STAB2: variants seen among roughly 807,000 people sequenced by gnomAD.
STAB2 encodes the protein stabilin 2, also known as stabilin-2.
A neutral mutation model predicts 338.1 loss-of-function variants in STAB2; 288 were observed. The observed-to-expected ratio is 0.85, with a 90% CI of 0.77 to 0.94. STAB2 has a LOEUF of 0.94. Ranked by LOEUF, STAB2 falls within the 40% of genes least tolerant of loss-of-function variation. STAB2 has a pLI of 0.00. For synonymous variants in STAB2, 1,202 were observed against 1,193.3 expected (o/e 1.01, Z -0.15); for missense variants, 3,141 against 3,210.1 (o/e 0.98, Z 0.52).
Position 103,688,304 on chromosome 12 carries a change from G to T in STAB2, c.3045+89G>T, listed in dbSNP as rs1593237308. ...CAATAGAAAACCGAAAATGCAGCTG[G>T]TAAGGAGTGTAGGCAATTGTGCTGA... On this transcript the variant is annotated intron_variant, in intron 28 of 68. Transcript: ENST00000388887. 1.3e-5 allele frequency: 17 copies of T among 1,272,604 alleles called. No individual in the cohort carries two copies. In the East Asian group the frequency reaches 3.9e-4, roughly 29 times the overall value. The allele number at this position is 1,272,604 out of a possible 1,614,324, so 78.8% of individuals were successfully genotyped here. A position where few individuals can be genotyped will look rare whatever the true frequency, so the allele number is the denominator to read the frequency against.
chr12:103,594,539 A>G (rs373506919), intron 3 of STAB2, 29 bp downstream of exon 3: 19 of 1,535,054 alleles, frequency 1.2e-5, no homozygotes, highest in African/African-American at 1.2e-4. Flanking sequence ...GGACTTTGAG[A>G]CTTGCTTCTT....
intron 15 of STAB2, among the ~76,000 whole-genome samples, chr12:103,657,248 G>GAAA (rs1874262781): frequency 2.1e-5 from 3 of 142,506 alleles, no homozygotes; most frequent in African/African-American, 8.0e-5. Context: ...AAAAAAAAAG[G>GAAA]TAATGTTGTT....
At position 103,748,897 on chromosome 12, in the gene STAB2, C is replaced by T. The variant is rs1474030726; in HGVS notation, c.6245-66C>T. On this transcript the variant is annotated intron_variant, in intron 58 of 68. Coordinates refer to ENST00000388887, the MANE Select transcript of STAB2 (RefSeq NM_017564.10). ...ACCACTAGTGCTGTGGTGCCCCATA[C>T]CCTGACCTGAAGCCCTAGTTCCACA... is the stretch of plus-strand genomic sequence containing the variant. The T allele has an allele frequency of 1.2e-5, 18 of 1,543,728 alleles. No homozygotes were observed. In the South Asian group the frequency reaches 1.6e-4, roughly 14 times the overall value.
intron 9 of STAB2, among the ~76,000 whole-genome samples, chr12:103,642,873 G>A (rs1299308051): frequency 6.6e-6 from 1 of 152,204 alleles, no homozygotes; most frequent in Non-Finnish European, 1.5e-5. Context: ...GCCAAAAGTG[G>A]CTGTTCATAG....
In STAB2 at chr12:103,703,274, C is replaced by G. The variant is rs377153399; in HGVS notation, c.3841C>G (p.Arg1281Gly). 1.2e-6 allele frequency: 2 copies of G among 1,611,840 alleles called. No individual in the cohort carries two copies. Among genetic ancestry groups the G allele is most frequent in the Non-Finnish European group, 1.7e-6 (2 of 1,179,930 alleles). ...TGATAATAATGACACTACTATTATA[C>G]GAGTAAGTTCTATGGGCCAGAGCCA... ...RCDNNDTTII[R>G]GRCRTCSSEL... Residue 1281 changes from arginine to glycine, a missense_variant and splice_region_variant, in exon 35 of 69, where the codon CGA (arginine) becomes GGA (glycine). Physicochemically the swap from Arg to Gly is moderately radical, Grantham distance 125. Coordinates refer to ENST00000388887, the MANE Select transcript of STAB2 (RefSeq NM_017564.10).
At position 103,670,758 on chromosome 12, in the gene STAB2, G is replaced by A. The variant is rs151276007; in HGVS notation, c.2322G>A (p.Gln774=). ...CICEEGFQGS[Q]CQFCSDPNKY... is the part of the protein sequence containing the mutation. ...GTGAGGAGGGCTTCCAAGGCTCCCA[G>A]TGTCAGTTCTGCTCTGATCCCAATA... Residue 774 remains glutamine, a synonymous_variant, in exon 22 of 69, where the codon CAG becomes CAA. Transcript: ENST00000388887. 2 of 1,614,058 alleles carry A rather than the reference G, an allele frequency of 1.2e-6. No individual in the cohort carries two copies. The highest frequency in any genetic ancestry group is 2.7e-5 in the African/African-American group (2 of 74,932).
chr12:103,596,102 A>G (rs1309120602), intron 3 of STAB2, among the ~76,000 whole-genome samples: 1 of 152,214 alleles, frequency 6.6e-6, no homozygotes, highest in Non-Finnish European at 1.5e-5. Flanking sequence ...AACTCTGTTA[A>G]TCAAATTCAG....
intron 14 of STAB2, 35 bp downstream of exon 14, chr12:103,655,342 A>G: frequency 6.2e-7 from 1 of 1,605,758 alleles, no homozygotes; most frequent in Non-Finnish European, 8.5e-7. Context: ...AAAAATATTT[A>G]TGTCAAGACT....
rs781289467 is a variant in STAB2 at position 103,706,858 on chromosome 12, G to A, written c.4063G>A (p.Val1355Ile). 12 of 1,614,152 alleles carry A rather than the reference G, an allele frequency of 7.4e-6. No individual in the cohort carries two copies. In the African/African-American group the frequency reaches 1.1e-4, roughly 14 times the overall value. Residue 1355 changes from valine to isoleucine, a missense_variant, in exon 38 of 69, where the codon GTC becomes ATC. Physicochemically the swap from Val to Ile is conservative, Grantham distance 29. Coordinates refer to ENST00000388887, the MANE Select transcript of STAB2 (RefSeq NM_017564.10). The part of the protein sequence containing the change: ...CQPCPGNAQN[V>I]CFGNGICLDG... The stretch of plus-strand genomic sequence containing the variant: ...GCCCTGCCCAGGGAATGCCCAGAAT[G>A]TCTGCTTTGGTAATGGCATCTGTTT...
intron 12 of STAB2, among the ~76,000 whole-genome samples, chr12:103,653,340 G>A (rs1266043026): frequency 6.6e-6 from 1 of 152,156 alleles, no homozygotes; most frequent in Admixed American, 6.5e-5. Context: ...AGCAAAGTAT[G>A]GGGATAAATC....
intron 45 of STAB2, among the ~76,000 whole-genome samples, 182 bp downstream of exon 45, chr12:103,725,276 T>C (rs1881095114): frequency 6.6e-6 from 1 of 152,212 alleles, no homozygotes; most frequent in Non-Finnish European, 1.5e-5. Context: ...TCATTTGACC[T>C]GAGGAAGAGT....
At chr12:103,667,783 G>C (rs1875298868) in intron 19 of STAB2, among the ~76,000 whole-genome samples, 1 of 152,212 alleles carries the variant, frequency 6.6e-6, no homozygotes, top group Admixed American at 6.5e-5. Context: ...GAAGGGATAA[G>C]CTTGACATCA....
intron 44 of STAB2, among the ~76,000 whole-genome samples, chr12:103,723,470 A>G (rs1200712960): frequency 6.6e-6 from 1 of 152,256 alleles, no homozygotes; most frequent in Non-Finnish European, 1.5e-5. Flanking sequence ...AGGTTCCTCC[A>G]TGACACATGA....
intron 19 of STAB2, among the ~76,000 whole-genome samples, chr12:103,667,862 T>C (rs1413915720): frequency 6.6e-6 from 1 of 152,188 alleles, no homozygotes; most frequent in Non-Finnish European, 1.5e-5. Flanking sequence ...TCAGCATTAT[T>C]GTCTCATCAA....
intron 3 of STAB2, among the ~76,000 whole-genome samples, chr12:103,599,016 A>T (rs550368024): frequency 3.9e-5 from 6 of 152,192 alleles, no homozygotes; most frequent in Non-Finnish European, 7.3e-5. Context: ...GAACCAGCTA[A>T]CAAGTGTGGA....
At position 103,695,569 on chromosome 12, in the gene STAB2, G is replaced by A. The variant is rs113917053; in HGVS notation, c.3395G>A (p.Arg1132His). 5.3e-4 allele frequency: 849 copies of A among 1,614,186 alleles called. 3 individuals are homozygous for A. The African/African-American group carries it at 9.3e-3, about 18-fold the overall frequency. The change falls in exon 32 of 69, where the codon CGT (arginine) becomes CAT (histidine). Residue 1132 changes from arginine to histidine, a missense_variant. Physicochemically the swap from Arg to His is conservative, Grantham distance 29. Transcript: ENST00000388887. Reference sequence around the variant, plus strand: ...TTTCAGGTGCTGGTCCCACAAAGACGTCTAACTGGCTCCTTACCAAACCTG... The same window carrying A: ...TTTCAGGTGCTGGTCCCACAAAGACATCTAACTGGCTCCTTACCAAACCTG... ...IINKVLVPQRRLTGSLPNLLM... is the reference protein window; with the variant it reads ...IINKVLVPQRHLTGSLPNLLM...
At chr12:103,694,698 T>C (rs1322063628) in intron 31 of STAB2, among the ~76,000 whole-genome samples, 1 of 152,156 alleles carries the variant, frequency 6.6e-6, no homozygotes, top group Non-Finnish European at 1.5e-5. Flanking sequence ...CTGCCTGGCC[T>C]GTAGTAGGCA....
At chr12:103,725,393 C>T (rs1383481071) in intron 45 of STAB2, among the ~76,000 whole-genome samples, 1 of 152,136 alleles carries the variant, frequency 6.6e-6, no homozygotes, top group Non-Finnish European at 1.5e-5. Flanking sequence ...TATGTCACCT[C>T]TCTGTATATC....
intron 59 of STAB2, 149 bp downstream of exon 59, chr12:103,749,305 C>A (rs1019515953): frequency 8.8e-6 from 8 of 912,084 alleles, no homozygotes; most frequent in Admixed American, 3.0e-5. Flanking sequence ...AGTCATTGGG[C>A]TAAATGCAAG....
Sources: gnomAD v4.1 joint callset for allele counts (sites outside exome capture counted in the v4.1 genomes callset) on GRCh38, gnomAD v4.1.1 for gene constraint, MANE v1.5 for transcripts, NCBI Gene and HGNC (gene_info 2026-07-23, HGNC 2026-07-21) for gene names.